The following GRIK2 variants were observed in gnomAD, a reference collection of about 807,000 sequenced individuals.
GRIK2 encodes the protein glutamate ionotropic receptor kainate type subunit 2.
Under a neutral mutation model 100.3 loss-of-function variants are expected in GRIK2, and 32 were observed. The observed-to-expected ratio is 0.32, with a 90% CI of 0.24 to 0.43. The LOEUF is 0.43. GRIK2 is among the 20% of genes least tolerant of loss of function. GRIK2 has a pLI of 1.00. For synonymous variants in GRIK2, 417 were observed against 389.4 expected (o/e 1.07, Z -0.83); for missense variants, 843 against 1,114.9 (o/e 0.76, Z 3.47).
intron 11 of GRIK2, among the ~76,000 whole-genome samples, chr6:101,889,253 T>G: frequency 6.6e-6 from 1 of 152,060 alleles, no homozygotes; most frequent in Non-Finnish European, 1.5e-5. Flanking sequence ...TTGACCAATG[T>G]ATTAAGAAAA....
intron 15 of GRIK2, among the ~76,000 whole-genome samples, chr6:102,050,823 G>A (rs1407895710): frequency 6.7e-6 from 1 of 149,262 alleles, no homozygotes; most frequent in Non-Finnish European, 1.5e-5. Context: ...AAGGAAGGAA[G>A]CAAGGAAAGA....
chr6:101,760,884 CTT>C (rs1383141742), intron 7 of GRIK2, among the ~76,000 whole-genome samples: 8 of 150,836 alleles, frequency 5.3e-5, no homozygotes, highest in East Asian at 3.9e-4. Context: ...TTTTTCATCT[CTT>C]GACTTTGACA....
intron 2 of GRIK2, among the ~76,000 whole-genome samples, chr6:101,489,454 A>ATTC (rs1582561783): frequency 6.9e-6 from 1 of 145,902 alleles, no homozygotes; most frequent in East Asian, 1.9e-4. Context: ...GCCCACACTG[A>ATTC]TTCATTCATT....
intron 7 of GRIK2, among the ~76,000 whole-genome samples, chr6:101,689,767 A>G (rs1771958416): frequency 6.6e-6 from 1 of 152,056 alleles, no homozygotes; most frequent in Non-Finnish European, 1.5e-5. Context: ...CTCCATTCCC[A>G]CACAATGCCA....
intron 9 of GRIK2, among the ~76,000 whole-genome samples, chr6:101,817,053 T>C (rs17062535): frequency 0.082 from 12,506 of 152,250 alleles, 700 homozygotes; most frequent in Non-Finnish European, 0.12. Context: ...AAGCCTTTCA[T>C]TATTGACTCT....
intron 4 of GRIK2, among the ~76,000 whole-genome samples, chr6:101,636,235 G>A (rs1391145780): frequency 6.6e-6 from 1 of 152,078 alleles, no homozygotes; most frequent in Non-Finnish European, 1.5e-5. Flanking sequence ...ATCATTCTCA[G>A]CAAACTAACA....
rs61348738 is a variant in GRIK2 at position 101,977,359 on chromosome 6, AAAG to A, written c.2085+48734_2085+48736del. On this transcript the variant is annotated intron_variant, in intron 14 of 16. Coordinates refer to ENST00000369134, the MANE Select transcript of GRIK2 (RefSeq NM_021956.5). ...TTATTGGGAACTATCTATGGGGGAT[AAAG>A]AAGAAGGGGAGGAAGCAGAAGTAGG... Among the ~76,000 whole-genome samples, 1,442 of 151,908 alleles carry A rather than the reference AAAG, an allele frequency of 9.5e-3. 24 individuals carry two copies. The highest frequency in any genetic ancestry group is 0.034 in the African/African-American group (1,398 of 41,436).
intron 16 of GRIK2, chr6:102,063,941 G>T: frequency 8.7e-7 from 1 of 1,149,854 alleles, no homozygotes; most frequent in Non-Finnish European, 1.3e-6. Context: ...ACAGCTCAAA[G>T]ATTTAAATTT....
intron 2 of GRIK2, among the ~76,000 whole-genome samples, chr6:101,549,699 T>G (rs2128291999): frequency 1.3e-5 from 2 of 152,302 alleles, no homozygotes; most frequent in Middle Eastern, 6.8e-3. Flanking sequence ...CTTAGGTATC[T>G]GCTCTTTTTT....
At chr6:101,447,601 T>C (rs1162044739) in intron 2 of GRIK2, among the ~76,000 whole-genome samples, 2 of 151,732 alleles carry the variant, frequency 1.3e-5, no homozygotes, top group African/African-American at 2.4e-5. Flanking sequence ...TTTCTATGTA[T>C]GTCAGGGAAC....
intron 9 of GRIK2, among the ~76,000 whole-genome samples, chr6:101,803,045 G>A (rs1223436217): frequency 5.3e-5 from 8 of 151,696 alleles, no homozygotes; most frequent in Non-Finnish European, 1.2e-4. Context: ...CATAATGTAT[G>A]TATTTAGATA....
At position 101,790,798 on chromosome 6, in the gene GRIK2, T is replaced by G. The variant is rs202130496; in HGVS notation, c.952-8850T>G. On this transcript the variant is annotated intron_variant, in intron 7 of 16. Coordinates refer to ENST00000369134, the MANE Select transcript of GRIK2 (RefSeq NM_021956.5). ...GAAGGAATGGTACCAGTTCCTCCTTTTACCTCTGGTAGAATTCGGCTGTGA... is the reference window on the plus strand; with the variant it reads ...GAAGGAATGGTACCAGTTCCTCCTTGTACCTCTGGTAGAATTCGGCTGTGA... 9.5e-4 allele frequency among the ~76,000 whole-genome samples: 140 copies of G among 147,584 alleles called. 1 individual carries two copies. The East Asian group carries it at 0.02, about 21-fold the overall frequency.
intron 2 of GRIK2, among the ~76,000 whole-genome samples, chr6:101,423,199 A>C (rs1776502848): frequency 6.6e-6 from 1 of 152,212 alleles, no homozygotes; most frequent in South Asian, 2.1e-4. Context: ...AAAGGTTAGA[A>C]ATAGTGAGTT....
intron 14 of GRIK2, among the ~76,000 whole-genome samples, chr6:101,978,627 C>T (rs531858429): frequency 6.6e-6 from 1 of 151,846 alleles, no homozygotes; most frequent in African/African-American, 2.4e-5. Context: ...GCCAACTTCC[C>T]TGTGTTTTTT....
At chr6:101,472,042 A>AT (rs35189923) in intron 2 of GRIK2, among the ~76,000 whole-genome samples, 144,700 of 151,872 alleles carry the variant, frequency 0.95, 68,933 homozygotes, top group East Asian at 0.99. Context: ...TGGGTGTTTC[A>AT]TTGTATTGCT....
At chr6:101,923,069 T>G (rs754713085) in intron 12 of GRIK2, among the ~76,000 whole-genome samples, 24 of 152,168 alleles carry the variant, frequency 1.6e-4, no homozygotes, top group Non-Finnish European at 2.4e-4. Context: ...CAAAACACTT[T>G]TTTGTTTGTC....
intron 14 of GRIK2, among the ~76,000 whole-genome samples, chr6:101,952,914 C>A (rs1345986690): frequency 1.3e-5 from 2 of 152,122 alleles, no homozygotes; most frequent in Non-Finnish European, 2.9e-5. Flanking sequence ...GAAAATAAAC[C>A]ATGTACTCAT....
chr6:101,620,997 A>G (rs1454853234), intron 2 of GRIK2, among the ~76,000 whole-genome samples: 1 of 152,196 alleles, frequency 6.6e-6, no homozygotes, highest in Non-Finnish European at 1.5e-5. Flanking sequence ...CCAAAATTAT[A>G]TACTAGTTTT....
At chr6:101,568,943 C>A (rs1008561053) in intron 2 of GRIK2, among the ~76,000 whole-genome samples, 1 of 152,048 alleles carries the variant, frequency 6.6e-6, no homozygotes, top group South Asian at 2.1e-4. Flanking sequence ...ATAAACTTGC[C>A]TGGAGTCCTG....
Sources: allele counts gnomAD v4.1 joint callset (sites outside exome capture counted in the v4.1 genomes callset), GRCh38; gene constraint gnomAD v4.1.1; transcripts MANE v1.5; gene names NCBI Gene and HGNC (gene_info 2026-07-23, HGNC 2026-07-21).